CADM2: variants seen among roughly 807,000 people sequenced by gnomAD.
The protein encoded by CADM2 is immunoglobulin superfamily member 4D.
CADM2 carries 12 observed loss-of-function variants against 49.8 expected under a neutral mutation model. The observed-to-expected ratio is 0.24, with a 90% CI of 0.15 to 0.39. CADM2 has a LOEUF of 0.39. Among genes scored for constraint, CADM2 ranks in the 10% least tolerant of loss-of-function variants. The pLI is 1.00. For synonymous variants in CADM2, 214 were observed against 175.4 expected (o/e 1.22, Z -1.74); for missense variants, 378 against 492.3 (o/e 0.77, Z 2.20).
At chr3:85,736,617 G>T (rs1409786607) in intron 2 of CADM2, among the ~76,000 whole-genome samples, 1 of 152,006 alleles carries the variant, frequency 6.6e-6, no homozygotes, top group Admixed American at 6.6e-5. Context: ...TATTTACAGG[G>T]TTTTCTTTTT....
At chr3:85,614,368 A>C (rs1401994846) in intron 1 of CADM2, among the ~76,000 whole-genome samples, 2 of 151,538 alleles carry the variant, frequency 1.3e-5, no homozygotes, top group Non-Finnish European at 1.5e-5. Flanking sequence ...TTTGTAGTGA[A>C]TATATATACA....
intron 8 of CADM2, among the ~76,000 whole-genome samples, chr3:86,048,665 A>G (rs1280590489): frequency 6.6e-6 from 1 of 152,170 alleles, no homozygotes; most frequent in African/African-American, 2.4e-5. Flanking sequence ...TCCTGTGGTT[A>G]TCTCCCATAT....
At chr3:85,482,576 T>C (rs1450989314) in intron 1 of CADM2, among the ~76,000 whole-genome samples, 2 of 151,758 alleles carry the variant, frequency 1.3e-5, no homozygotes, top group Non-Finnish European at 3.0e-5. Flanking sequence ...GTGAGGAATT[T>C]ATGTAAAGAT....
chr3:85,494,284 TA>T (rs1446505582), intron 1 of CADM2, among the ~76,000 whole-genome samples: 1 of 152,166 alleles, frequency 6.6e-6, no homozygotes, highest in African/African-American at 2.4e-5. Flanking sequence ...TTTCATATTT[TA>T]AAAAACATCA....
At chr3:84,983,374 A>C (rs142862574) in intron 1 of CADM2, among the ~76,000 whole-genome samples, 17 of 145,226 alleles carry the variant, frequency 1.2e-4, no homozygotes, top group Admixed American at 2.1e-4. Flanking sequence ...TTTTTTTTTC[A>C]TTGAAAATAC....
At chr3:85,270,188 C>T (rs1424529892) in intron 1 of CADM2, among the ~76,000 whole-genome samples, 1 of 151,058 alleles carries the variant, frequency 6.6e-6, no homozygotes, top group Non-Finnish European at 1.5e-5. Context: ...TGGAATCAGT[C>T]CTATAGATGC....
At chr3:85,563,951 A>G (rs1438218869) in intron 1 of CADM2, among the ~76,000 whole-genome samples, 2 of 152,146 alleles carry the variant, frequency 1.3e-5, no homozygotes, top group African/African-American at 2.4e-5. Context: ...AACGTCTTCA[A>G]TTTTACTCAA....
At chr3:85,300,485 A>G (rs369091790) in intron 1 of CADM2, among the ~76,000 whole-genome samples, 99 of 152,146 alleles carry the variant, frequency 6.5e-4, no homozygotes, top group African/African-American at 2.3e-3. Flanking sequence ...TTAATTGACT[A>G]GTTTCTGAAA....
intron 1 of CADM2, among the ~76,000 whole-genome samples, chr3:85,719,349 A>C (rs2067416306): frequency 6.6e-6 from 1 of 152,192 alleles, no homozygotes; most frequent in Non-Finnish European, 1.5e-5. Context: ...ACCCTTGAAC[A>C]ACATGGGGGT....
chr3:85,145,243 T>A (rs1282272923), intron 1 of CADM2, among the ~76,000 whole-genome samples: 1 of 152,222 alleles, frequency 6.6e-6, no homozygotes, highest in African/African-American at 2.4e-5. Context: ...ATTTATTTTG[T>A]TACTTCACTT....
At chr3:85,724,707 C>A (rs1040053942) in intron 1 of CADM2, among the ~76,000 whole-genome samples, 2 of 151,640 alleles carry the variant, frequency 1.3e-5, no homozygotes, top group Non-Finnish European at 3.0e-5. Context: ...ATAAGAACTG[C>A]AAATTTTATT....
intron 1 of CADM2, among the ~76,000 whole-genome samples, chr3:85,628,259 G>A (rs949229322): frequency 7.9e-5 from 12 of 151,762 alleles, no homozygotes; most frequent in East Asian, 3.9e-4. Flanking sequence ...TGTTATTTAC[G>A]GCTGTTACTT....
chr3:85,286,929 C>A (rs2043647142), intron 1 of CADM2, among the ~76,000 whole-genome samples: 1 of 152,000 alleles, frequency 6.6e-6, no homozygotes, highest in African/African-American at 2.4e-5. Context: ...AATTTGATGT[C>A]CTGAAAATTT....
intron 8 of CADM2, among the ~76,000 whole-genome samples, chr3:86,064,507 A>C (rs1739080228): frequency 6.6e-6 from 1 of 152,178 alleles, no homozygotes; most frequent in African/African-American, 2.4e-5. Context: ...GTAGTGCCGC[A>C]ATAAACATGT....
At chr3:85,055,558 A>G (rs1392081742) in intron 1 of CADM2, among the ~76,000 whole-genome samples, 1 of 151,952 alleles carries the variant, frequency 6.6e-6, no homozygotes, top group African/African-American at 2.4e-5. Context: ...TTATATGCAT[A>G]TTTTGGTAGT....
intron 2 of CADM2, among the ~76,000 whole-genome samples, chr3:85,742,337 T>C (rs2068427400): frequency 6.6e-6 from 1 of 152,184 alleles, no homozygotes; most frequent in Non-Finnish European, 1.5e-5. Flanking sequence ...CTACCTATGT[T>C]AACCTTCCCT....
intron 2 of CADM2, among the ~76,000 whole-genome samples, chr3:85,751,091 G>T (rs2068840081): frequency 6.6e-6 from 1 of 152,010 alleles, no homozygotes. Flanking sequence ...AAAATTGGAG[G>T]TCCTAATGTA....
At chr3:85,973,624 G>T (rs1260232839) in intron 8 of CADM2, among the ~76,000 whole-genome samples, 3 of 151,686 alleles carry the variant, frequency 2.0e-5, no homozygotes, top group African/African-American at 7.3e-5. Context: ...TTATTAAAAA[G>T]AGCTAAAATA....
chr3:85,277,892 C>T (rs1005371175), intron 1 of CADM2, among the ~76,000 whole-genome samples: 2 of 151,302 alleles, frequency 1.3e-5, no homozygotes, highest in African/African-American at 4.8e-5. Context: ...ACTTTGTTCC[C>T]TTTCTCTGAA....
Sources: gnomAD v4.1 joint callset for allele counts (sites outside exome capture counted in the v4.1 genomes callset) on GRCh38, gnomAD v4.1.1 for gene constraint, MANE v1.5 for transcripts, NCBI Gene and HGNC (gene_info 2026-07-23, HGNC 2026-07-21) for gene names.